LRRC8C: variants seen among roughly 807,000 people sequenced by gnomAD.
The protein encoded by LRRC8C is volume-regulated anion channel subunit LRRC8C.
A neutral mutation model predicts 55.3 loss-of-function variants in LRRC8C; 20 were observed. The observed-to-expected ratio is 0.36, with a 90% confidence interval of 0.25 to 0.53. The LOEUF (loss-of-function observed/expected upper bound fraction) is 0.53, where lower values mean the gene tolerates loss of function less well. LRRC8C is among the 20% of genes least tolerant of loss of function. The pLI is 0.92. For missense variants in LRRC8C, 659 were observed against 951.4 expected, an observed-to-expected ratio of 0.69 and a Z score of 4.04; for synonymous variants, 376 against 360.7, an observed-to-expected ratio of 1.04 and a Z score of -0.48.
the LRRC8C span, among the ~76,000 whole-genome samples, chr1:89,618,860 A>G: frequency 6.6e-6 from 1 of 152,032 alleles, no homozygotes; most frequent in Admixed American, 6.6e-5. Context: ...TTGGTGGCAT[A>G]CTCCCATTGG....
At chr1:89,675,832 G>A (rs936705922) in intron 1 of LRRC8C, among the ~76,000 whole-genome samples, 3 of 152,178 alleles carry the variant, frequency 2.0e-5, no homozygotes, top group Admixed American at 1.3e-4. Context: ...AAAGAAACTG[G>A]AGTGAAGAGG....
At chr1:89,700,166 A>G (rs1401231995) in intron 2 of LRRC8C, among the ~76,000 whole-genome samples, 2 of 152,134 alleles carry the variant, frequency 1.3e-5, no homozygotes, top group Non-Finnish European at 2.9e-5. Flanking sequence ...CCATCTTTTC[A>G]GTCTTTCTCC....
intron 1 of LRRC8C, among the ~76,000 whole-genome samples, chr1:89,658,336 C>T (rs994152415): frequency 2.6e-5 from 4 of 152,010 alleles, no homozygotes; most frequent in African/African-American, 7.3e-5. Flanking sequence ...TTAACTTATT[C>T]GGGTGTGTTT....
the LRRC8C span, among the ~76,000 whole-genome samples, chr1:89,620,718 C>T: frequency 6.6e-6 from 1 of 152,130 alleles, no homozygotes; most frequent in Admixed American, 6.6e-5. Flanking sequence ...TCAATACTTC[C>T]TTTTAGCTAC....
At chr1:89,672,814 A>G (rs10922694) in intron 1 of LRRC8C, among the ~76,000 whole-genome samples, 90,038 of 151,610 alleles carry the variant, frequency 0.59, 27,334 homozygotes, top group South Asian at 0.74. Context: ...ATTTATTTTT[A>G]TAGAAACAAT....
chr1:89,662,663 A>AT (rs968205506), intron 1 of LRRC8C, among the ~76,000 whole-genome samples: 3 of 152,118 alleles, frequency 2.0e-5, no homozygotes, highest in Admixed American at 6.6e-5. Flanking sequence ...TCTATGTAAT[A>AT]TTTTTTGATA....
chr1:89,712,133 A>T (rs1658666165), intron 2 of LRRC8C, among the ~76,000 whole-genome samples: 1 of 151,730 alleles, frequency 6.6e-6, no homozygotes, highest in South Asian at 2.1e-4. Flanking sequence ...TTTTTTTGAG[A>T]CAAAATTTTG....
intron 1 of LRRC8C, among the ~76,000 whole-genome samples, chr1:89,680,356 C>T (rs1460324743): frequency 6.6e-6 from 1 of 151,958 alleles, no homozygotes; most frequent in Admixed American, 6.6e-5. Context: ...GGATTACAGG[C>T]GTGAGCCACC....
Position 89,680,202 on chromosome 1 carries a change from C to T in LRRC8C, c.-4-6268C>T, listed in dbSNP as rs541702434. Among the ~76,000 whole-genome samples the T allele has an allele frequency of 4.6e-4, 70 of 152,002 alleles. 1 individual carries two copies. Among genetic ancestry groups the T allele is most frequent in the Non-Finnish European group, 8.8e-4 (60 of 67,964 alleles). ...ACACCATTCTCCTGTCTCAGCCTCC[C>T]GAGTAGCTGGGACTACAGGTACTCA... On this transcript the variant is annotated intron_variant, in intron 1 of 2. Coordinates refer to ENST00000370454, the MANE Select transcript of LRRC8C (RefSeq NM_032270.5).
At position 89,719,405 on chromosome 1, in the gene LRRC8C, T is replaced by G. The variant is rs1454679525; in HGVS notation, c.*4423T>G. 9 of 152,190 alleles carry G rather than the reference T, an allele frequency of 5.9e-5. No homozygotes were observed. 9.4% of individuals were successfully genotyped at this position (152,190 alleles called of 1,614,324 possible). ...ATGTATGTCAAAAGCTGGCAAAACC[T>G]CTAAAACTGTCAAGAAAATGCTTGA... On this transcript the variant is annotated 3_prime_UTR_variant, in exon 3 of 3. Coordinates refer to ENST00000370454, the MANE Select transcript of LRRC8C (RefSeq NM_032270.5).
intron 2 of LRRC8C, among the ~76,000 whole-genome samples, chr1:89,710,482 C>T (rs1300166427): frequency 2.6e-5 from 4 of 152,026 alleles, no homozygotes; most frequent in Admixed American, 6.6e-5. Flanking sequence ...TATGCAGTAC[C>T]TATAGGAAGA....
chr1:89,663,538 C>A (rs377382304), intron 1 of LRRC8C, among the ~76,000 whole-genome samples: 1 of 151,068 alleles, frequency 6.6e-6, no homozygotes, highest in Non-Finnish European at 1.5e-5. Context: ...CCACTGCACT[C>A]CAGCCTGGGC....
intron 1 of LRRC8C, among the ~76,000 whole-genome samples, chr1:89,643,093 GTTGT>G (rs1000758854): frequency 3.7e-4 from 56 of 149,720 alleles, no homozygotes; most frequent in African/African-American, 1.3e-3. Flanking sequence ...ATTCTTTTTT[GTTGT>G]TTGTTTGTTT....
At chr1:89,645,697 A>G (rs1048962099) in intron 1 of LRRC8C, among the ~76,000 whole-genome samples, 2 of 152,144 alleles carry the variant, frequency 1.3e-5, no homozygotes, top group Non-Finnish European at 2.9e-5. Context: ...AAAAAGGACA[A>G]AACATTATTA....
the LRRC8C span, among the ~76,000 whole-genome samples, chr1:89,617,382 C>T: frequency 6.6e-6 from 1 of 152,194 alleles, no homozygotes; most frequent in African/African-American, 2.4e-5. Flanking sequence ...ACTATGTTGA[C>T]TCCTCCTGTC....
At chr1:89,705,852 A>G (rs983089290) in intron 2 of LRRC8C, among the ~76,000 whole-genome samples, 1 of 152,104 alleles carries the variant, frequency 6.6e-6, no homozygotes, top group Non-Finnish European at 1.5e-5. Flanking sequence ...ATAGACAGAC[A>G]TAACTTAATA....
intron 1 of LRRC8C, among the ~76,000 whole-genome samples, chr1:89,679,445 C>G (rs1448961869): frequency 6.6e-6 from 1 of 151,858 alleles, no homozygotes; most frequent in African/African-American, 2.4e-5. Flanking sequence ...TCCCAGCTAC[C>G]CAGGAGGCTG....
chr1:89,707,499 A>G (rs1483288385), intron 2 of LRRC8C, among the ~76,000 whole-genome samples: 1 of 152,064 alleles, frequency 6.6e-6, no homozygotes, highest in Non-Finnish European at 1.5e-5. Context: ...TTAGGTTCCC[A>G]TGGTCCCAGT....
At chr1:89,632,707 G>A (rs1656140544), upstream of LRRC8C, 1 of 152,388 alleles carries the variant, frequency 6.6e-6, no homozygotes, top group African/African-American at 2.4e-5. Context: ...ACAGCCGCCT[G>A]TGGTTTTCCG....
Sources: allele counts gnomAD v4.1 joint callset (sites outside exome capture counted in the v4.1 genomes callset), GRCh38; gene constraint gnomAD v4.1.1; transcripts MANE v1.5; gene names NCBI Gene and HGNC (gene_info 2026-07-23, HGNC 2026-07-21).